Variants in LGSN observed in about 807,000 individuals in gnomAD.
The protein encoded by LGSN is lengsin.
In LGSN, 21 loss-of-function variants were observed where a neutral mutation model predicts 19.5. The observed-to-expected ratio is 1.07, with a 90% CI of 0.76 to 1.55. LGSN has a LOEUF of 1.55. Among genes scored for constraint, LGSN ranks in the 40% most tolerant of loss-of-function variants. LGSN has a pLI of 0.00. For synonymous variants in LGSN, 257 were observed against 215.6 expected (o/e 1.19, Z -1.68); for missense variants, 673 against 608.5 (o/e 1.11, Z -1.12).
chr6:63,514,732 G>T, the LGSN span, among the ~76,000 whole-genome samples: 1 of 152,122 alleles, frequency 6.6e-6, no homozygotes, highest in Non-Finnish European at 1.5e-5. Context: ...GTTTGTCTGG[G>T]TCTTGCTCAG....
the LGSN span, among the ~76,000 whole-genome samples, chr6:63,541,026 A>G: frequency 2.0e-5 from 3 of 146,464 alleles, no homozygotes; most frequent in Admixed American, 6.9e-5. Flanking sequence ...GGGAATGAAG[A>G]AAGGAAGGAA....
At chr6:63,547,927 T>G in the LGSN span, among the ~76,000 whole-genome samples, 37 of 152,340 alleles carry the variant, frequency 2.4e-4, 1 homozygote, top group South Asian at 7.7e-3. Context: ...GCTTTCTTGC[T>G]TAAAACCCTT....
intron 1 of LGSN, among the ~76,000 whole-genome samples, chr6:63,318,895 C>A (rs1357393648): frequency 2.0e-5 from 3 of 152,164 alleles, no homozygotes; most frequent in Non-Finnish European, 4.4e-5. Flanking sequence ...TACTTTCTTT[C>A]TATAAGCCTT....
chr6:63,381,223 G>A, the LGSN span, among the ~76,000 whole-genome samples: 11 of 152,070 alleles, frequency 7.2e-5, no homozygotes, highest in Non-Finnish European at 1.3e-4. Flanking sequence ...AAAAAAATTT[G>A]AGAGACAGCA....
the LGSN span, among the ~76,000 whole-genome samples, chr6:63,419,886 A>G: frequency 2.5e-5 from 1 of 39,772 alleles, no homozygotes; most frequent in Non-Finnish European, 4.4e-5. Flanking sequence ...CTCCCAAAAA[A>G]AAAAAAAAAA....
At chr6:63,304,936 C>T (rs974305089) in intron 1 of LGSN, among the ~76,000 whole-genome samples, 3 of 152,060 alleles carry the variant, frequency 2.0e-5, no homozygotes, top group Admixed American at 1.3e-4. Flanking sequence ...GCACCAAAGC[C>T]CTAAGTTTTG....
At chr6:63,387,674 G>A in the LGSN span, among the ~76,000 whole-genome samples, 6 of 152,030 alleles carry the variant, frequency 3.9e-5, no homozygotes, top group South Asian at 1.2e-3. Flanking sequence ...ATGTCACAGA[G>A]ATCAGTACTG....
intron 2 of LGSN, among the ~76,000 whole-genome samples, chr6:63,286,985 C>A (rs1047084804): frequency 6.6e-6 from 1 of 152,188 alleles, no homozygotes; most frequent in African/African-American, 2.4e-5. Flanking sequence ...ATCAAGTCTG[C>A]ATCCAAACAC....
At chr6:63,286,327 A>C (rs750994363) in intron 2 of LGSN, among the ~76,000 whole-genome samples, 2 of 152,230 alleles carry the variant, frequency 1.3e-5, no homozygotes, top group Non-Finnish European at 2.9e-5. Context: ...TGCTTAAATA[A>C]GCAAACAAAA....
chr6:63,432,102 AAAGAAAG>A, the LGSN span, among the ~76,000 whole-genome samples: 218 of 88,028 alleles, frequency 2.5e-3, no homozygotes, highest in Admixed American at 5.2e-3. Context: ...AGAAAGAAAG[AAAGAAAG>A]AAAGAAAGAA....
chr6:63,293,250 G>A (rs1389165097), intron 2 of LGSN, among the ~76,000 whole-genome samples: 1 of 152,084 alleles, frequency 6.6e-6, no homozygotes, highest in African/African-American at 2.4e-5. Context: ...CCCCTCCTCA[G>A]CCTCCCAAAG....
At chr6:63,540,884 TC>T in the LGSN span, among the ~76,000 whole-genome samples, 1 of 149,524 alleles carries the variant, frequency 6.7e-6, no homozygotes, top group African/African-American at 2.5e-5. Context: ...TCACCTATAA[TC>T]CCAACTACTC....
the LGSN span, among the ~76,000 whole-genome samples, chr6:63,542,469 G>T: frequency 7.3e-5 from 11 of 151,664 alleles, no homozygotes; most frequent in Non-Finnish European, 1.3e-4. Flanking sequence ...TACTAAATCT[G>T]ACTTAATAAT....
the LGSN span, among the ~76,000 whole-genome samples, chr6:63,478,232 CAA>C: frequency 1.3e-5 from 2 of 151,966 alleles, no homozygotes; most frequent in Non-Finnish European, 2.9e-5. Context: ...GCTATTAGAG[CAA>C]AGAGGGAGGA....
the LGSN span, among the ~76,000 whole-genome samples, chr6:63,482,220 TC>T: frequency 6.6e-6 from 1 of 152,194 alleles, no homozygotes; most frequent in African/African-American, 2.4e-5. Context: ...GATGTAAGCT[TC>T]ATGAGAACCT....
chr6:63,320,682 CT>C (rs1295363766), upstream of LGSN, among the ~76,000 whole-genome samples: 3 of 152,176 alleles, frequency 2.0e-5, no homozygotes, highest in Non-Finnish European at 4.4e-5. Context: ...TGAAATCACA[CT>C]TCTGCTGCTA....
the LGSN span, among the ~76,000 whole-genome samples, chr6:63,336,473 C>T: frequency 2.0e-5 from 3 of 150,556 alleles, no homozygotes; most frequent in Admixed American, 6.6e-5. Flanking sequence ...CACTCCCATG[C>T]TGTAATTGTA....
intron 1 of LGSN, among the ~76,000 whole-genome samples, chr6:63,312,045 T>G (rs555020924): frequency 6.6e-6 from 1 of 152,232 alleles, no homozygotes. Flanking sequence ...GGTCCATTCA[T>G]GTTTTAACAA....
At chr6:63,412,709 G>GAGGGAAGGAAGGAAGGAA in the LGSN span, among the ~76,000 whole-genome samples, 4 of 65,174 alleles carry the variant, frequency 6.1e-5, no homozygotes, top group African/African-American at 3.2e-4. Context: ...GAAAGAAAGA[G>GAGGGAAGGAAGGAAGGAA]GGAAGGAAGG....
Sources: gnomAD v4.1 joint callset for allele counts (sites outside exome capture counted in the v4.1 genomes callset) on GRCh38, gnomAD v4.1.1 for gene constraint, MANE v1.5 for transcripts, NCBI Gene and HGNC (gene_info 2026-07-23, HGNC 2026-07-21) for gene names.